The following KCNA3 variants were observed in gnomAD, a reference collection of about 807,000 sequenced individuals.
The protein encoded by KCNA3 is RP11-284N8.3.
KCNA3 carries 18 observed loss-of-function variants against 34.3 expected under a neutral mutation model. The observed-to-expected ratio is 0.52, with a 90% CI of 0.36 to 0.78. KCNA3 has a LOEUF of 0.78. Ranked by LOEUF, KCNA3 falls within the 30% of genes least tolerant of loss-of-function variation. The pLI, the probability that KCNA3 is intolerant of heterozygous loss-of-function variation, is 0.00. For missense variants in KCNA3, 587 were observed against 802.5 expected (o/e 0.73, Z 3.24); for synonymous variants, 324 against 351.7 (o/e 0.92, Z 0.88).
chr1:110,659,740 G>C, the KCNA3 span, among the ~76,000 whole-genome samples: 3 of 152,144 alleles, frequency 2.0e-5, no homozygotes, highest in Admixed American at 6.5e-5. Flanking sequence ...ATACACCATG[G>C]AATACTATGC....
At position 110,674,592 on chromosome 1, in the gene KCNA3, G is replaced by T. The variant is rs762622845; in HGVS notation, c.218C>A (p.Pro73Gln). ...EPEVADGGGA[P>Q]PQGGCGGGGC... ...GCCGCCGCCACAGCCGCCTTGAGGC[G>T]GGGCCCCTCCACCATCGGCCACCTC... The change falls in exon 1 of 1, where the codon CCG (proline) becomes CAG (glutamine). Residue 73 changes from proline to glutamine, a missense_variant. By Grantham distance (76) the Pro-to-Gln change is moderately conservative. Around this residue, in one of 7 missense-constraint regions of KCNA3, gnomAD observed 341 missense variants for 355.4 expected, o/e 0.96. Transcript: ENST00000369769. This position sits in a 1 kb window ranked among gnomAD's most constrained non-coding sequence, Gnocchi z 6.4. 5 of 1,569,708 alleles carry T rather than the reference G, an allele frequency of 3.2e-6. No homozygotes were observed. The Admixed American group carries it at 7.4e-5, about 23-fold the overall frequency.
At chr1:110,657,324 G>A in the KCNA3 span, among the ~76,000 whole-genome samples, 7 of 152,086 alleles carry the variant, frequency 4.6e-5, no homozygotes, top group Non-Finnish European at 1.0e-4. Context: ...TAGGATTACA[G>A]GCATGAGCCA....
At chr1:110,659,939 T>TGGGGGGGGGGGGGGGGGGGGGGGGGG in the KCNA3 span, among the ~76,000 whole-genome samples, 1 of 41,102 alleles carries the variant, frequency 2.4e-5, no homozygotes, top group Admixed American at 2.4e-4. Flanking sequence ...GGTGGGGGGC[T>TGGGGGGGGGGGGGGGGGGGGGGGGGG]GGGGGGCTAG....
the KCNA3 span, among the ~76,000 whole-genome samples, chr1:110,659,235 T>G: frequency 4.2e-5 from 4 of 96,240 alleles, no homozygotes; most frequent in African/African-American, 1.5e-4. Flanking sequence ...TTTTAGGCTT[T>G]CTTTCTGCAG....
chr1:110,665,555 T>C, the KCNA3 span, among the ~76,000 whole-genome samples: 1 of 152,080 alleles, frequency 6.6e-6, no homozygotes, highest in Non-Finnish European at 1.5e-5. Context: ...GTTTGAGATG[T>C]CTATTAGATA....
chr1:110,664,154 C>A, the KCNA3 span, among the ~76,000 whole-genome samples: 6 of 152,096 alleles, frequency 3.9e-5, no homozygotes, highest in African/African-American at 1.4e-4. Flanking sequence ...AGAATGTCTG[C>A]TAGATAGATA....
chr1:110,674,407 G>T lies in KCNA3; in HGVS notation c.403C>A (p.Arg135=), dbSNP rs375569294. 6.8e-5 allele frequency: 109 copies of T among 1,614,022 alleles called. No individual in the cohort carries two copies. The highest frequency in any genetic ancestry group is 1.2e-5 in the Non-Finnish European group (14 of 1,180,020). Residue 135 remains arginine, a synonymous_variant, in exon 1 of 1, where the codon CGG becomes AGG. Coordinates refer to ENST00000369769, the MANE Select transcript of KCNA3 (RefSeq NM_002232.5). The surrounding 1 kb of genome is among the most constrained non-coding windows in gnomAD (Gnocchi z 6.4). ...AGCGGGTCGAAGTACCTCATGCGCC[G>T]CTTGGGGTCGCCCAGCAGCGTCTCG... ...FPETLLGDPK[R]RMRYFDPLRN... is the part of the protein sequence containing the mutation.
chr1:110,654,081 G>T, the KCNA3 span: 2 of 152,012 alleles, frequency 1.3e-5, no homozygotes, highest in African/African-American at 2.4e-5. Flanking sequence ...TCTGAGAAAA[G>T]AATAAAAATG....
the KCNA3 span, among the ~76,000 whole-genome samples, chr1:110,664,685 A>G: frequency 6.6e-6 from 1 of 152,226 alleles, no homozygotes. Context: ...CTTGGGTGAT[A>G]CAGCATACTG....
At chr1:110,662,734 T>C in the KCNA3 span, among the ~76,000 whole-genome samples, 1 of 152,158 alleles carries the variant, frequency 6.6e-6, no homozygotes, top group Non-Finnish European at 1.5e-5. Flanking sequence ...TAAAAAAATC[T>C]AGAAAGTCAT....
chr1:110,663,698 G>A, the KCNA3 span, among the ~76,000 whole-genome samples: 2 of 152,226 alleles, frequency 1.3e-5, no homozygotes, highest in African/African-American at 4.8e-5. Flanking sequence ...CATACTATAT[G>A]TGTTGGTATT....
chr1:110,658,550 T>C, the KCNA3 span, among the ~76,000 whole-genome samples: 2 of 152,294 alleles, frequency 1.3e-5, no homozygotes, highest in South Asian at 4.1e-4. Flanking sequence ...AAGTGAAATG[T>C]CCCCAAATGG....
In KCNA3 at chr1:110,673,967, C is replaced by T. The variant is rs753927047; in HGVS notation, c.843G>A (p.Thr281=). The change falls in exon 1 of 1, where the codon ACG becomes ACA. Residue 281 remains threonine (T), a synonymous_variant. Transcript: ENST00000369769. This position sits in a 1 kb window ranked among gnomAD's most constrained non-coding sequence, Gnocchi z 8.8. Reference sequence around the variant, plus strand: ...TGGAGGCTCCTGCGCGGGACCCCGACGTGCTGTTGCCGGCTGCTTCGAATG... The same window carrying T: ...TGGAGGCTCCTGCGCGGGACCCCGATGTGCTGTTGCCGGCTGCTTCGAATG... ...QDSFEAAGNS[T]SGSRAGASSF... is the part of the protein sequence containing the mutation. 1.2e-6 allele frequency: 2 copies of T among 1,613,894 alleles called. No homozygotes were observed. Among genetic ancestry groups the T allele is most frequent in the Non-Finnish European group, 8.5e-7 (1 of 1,179,978 alleles).
At chr1:110,654,998 G>T in the KCNA3 span, 3 of 151,950 alleles carry the variant, frequency 2.0e-5, no homozygotes, top group African/African-American at 7.2e-5. Context: ...GTAAACTAAC[G>T]CTAGACTCTA....
In KCNA3 at chr1:110,673,337, T is replaced by C. The variant is rs1227540074; in HGVS notation, c.1473A>G (p.Thr491=). ...SNFNYFYHRE[T]EGEEQSQYMH... is the part of the protein sequence containing the mutation. ...TGTACTGGGATTGCTCTTCCCCTTCTGTCTCCCGGTGGTAGAAGTAATTGA... is the reference window on the plus strand; with the variant it reads ...TGTACTGGGATTGCTCTTCCCCTTCCGTCTCCCGGTGGTAGAAGTAATTGA... Residue 491 remains threonine, a synonymous_variant, in exon 1 of 1, where the codon ACA becomes ACG. Coordinates refer to ENST00000369769, the MANE Select transcript of KCNA3 (RefSeq NM_002232.5). This position sits in a 1 kb window ranked among gnomAD's most constrained non-coding sequence, Gnocchi z 8.8. 1 of 1,614,064 alleles carries C rather than the reference T, an allele frequency of 6.2e-7. No individual in the cohort carries two copies. The highest frequency in any genetic ancestry group is 1.7e-5 in the Admixed American group (1 of 60,010).
downstream of KCNA3, among the ~76,000 whole-genome samples, chr1:110,669,395 A>G (rs956612488): frequency 5.9e-5 from 9 of 152,218 alleles, no homozygotes; most frequent in Admixed American, 2.6e-4. Flanking sequence ...ACCAACTATA[A>G]GAAAATAATC....
the KCNA3 span, chr1:110,654,624 ACCC>A: frequency 3.9e-5 from 6 of 152,126 alleles, no homozygotes; most frequent in Non-Finnish European, 5.9e-5. Flanking sequence ...TTTGAATATC[ACCC>A]TGTGGAAGGG....
At position 110,673,540 on chromosome 1, in the gene KCNA3, G is replaced by A; in HGVS notation, c.1270C>T (p.Pro424Ser). 1.2e-6 allele frequency: 2 copies of A among 1,614,154 alleles called. No individual in the cohort carries two copies. Among genetic ancestry groups the A allele is most frequent in the African/African-American group, 2.7e-5 (2 of 75,030 alleles). ...GGGATGCTGCTGAAACCTGAAGTGGGGTCGTCTGCCTCGGCAAAGTAGACC... is the reference window on the plus strand; with the variant it reads ...GGGATGCTGCTGAAACCTGAAGTGGAGTCGTCTGCCTCGGCAAAGTAGACC... ...SAVYFAEADDPTSGFSSIPDA... is the reference protein window; with the variant it reads ...SAVYFAEADDSTSGFSSIPDA... Residue 424 changes from proline (P) to serine (S), a missense_variant, in exon 1 of 1, where the codon CCC becomes TCC. By Grantham distance (74) the Pro-to-Ser change is moderately conservative. This residue lies in a region of KCNA3 where 84 missense variants were observed against 223.1 expected (regional missense o/e 0.38). Transcript: ENST00000369769. The surrounding 1 kb of genome is among the most constrained non-coding windows in gnomAD (Gnocchi z 8.8).
rs1652020390 is a variant in KCNA3 at position 110,674,653 on chromosome 1, T to G, written c.157A>C (p.Met53Leu). Residue 53 changes from methionine (M) to leucine (L), a missense_variant, in exon 1 of 1, where the codon ATG becomes CTG. Around this residue, in one of 7 missense-constraint regions of KCNA3, gnomAD observed 341 missense variants for 355.4 expected, o/e 0.96. Coordinates refer to ENST00000369769, the MANE Select transcript of KCNA3 (RefSeq NM_002232.5). This position sits in a 1 kb window ranked among gnomAD's most constrained non-coding sequence, Gnocchi z 6.4. Reference sequence around the variant, plus strand: ...AGGTGGTCCCCGGGCACCACGGTCATGTCGGGCGGCAGCTCGCGGCCTGCG... The same window carrying G: ...AGGTGGTCCCCGGGCACCACGGTCAGGTCGGGCGGCAGCTCGCGGCCTGCG... ...PAAGRELPPD[M>L]TVVPGDHLLE... 6.5e-7 allele frequency: 1 copy of G among 1,528,308 alleles called. No individual in the cohort carries two copies. Among genetic ancestry groups the G allele is most frequent in the Admixed American group, 2.0e-5 (1 of 48,896 alleles). The allele number at this position is 1,528,308 out of a possible 1,614,324, so 94.7% of individuals were successfully genotyped here.
Sources: allele counts gnomAD v4.1 joint callset (sites outside exome capture counted in the v4.1 genomes callset), GRCh38; gene constraint gnomAD v4.1.1; regional missense constraint gnomAD v4.1.1; non-coding constraint Gnocchi (gnomAD v3.1); transcripts MANE v1.5; gene names NCBI Gene and HGNC (gene_info 2026-07-23, HGNC 2026-07-21).